SOBP: variants seen among roughly 807,000 people sequenced by gnomAD.
The protein encoded by SOBP is sine oculis binding protein homolog, also known as sine oculis-binding protein homolog.
Under a neutral mutation model 53.6 loss-of-function variants are expected in SOBP, and 4 were observed. That is an observed-to-expected ratio of 0.07 (90% confidence interval 0.04 to 0.17). The LOEUF is 0.17. SOBP is among the 10% of genes least tolerant of loss of function. The pLI, the probability that SOBP is intolerant of heterozygous loss-of-function variation, is 1.00. For missense variants in SOBP, 1,088 were observed against 1,204.7 expected (o/e 0.90, Z 1.43); for synonymous variants, 584 against 522.6 (o/e 1.12, Z -1.60).
At chr6:107,491,683 T>A (rs1174208442) in intron 1 of SOBP, among the ~76,000 whole-genome samples, 1 of 151,258 alleles carries the variant, frequency 6.6e-6, no homozygotes, top group African/African-American at 2.4e-5. Flanking sequence ...ATTTATTTAT[T>A]TTTCTGCGAG....
At chr6:107,574,866 T>G (rs1398119964) in intron 4 of SOBP, among the ~76,000 whole-genome samples, 1 of 152,146 alleles carries the variant, frequency 6.6e-6, no homozygotes, top group East Asian at 1.9e-4. Context: ...CCCCTCCGTT[T>G]CAGCTGTGTT....
At chr6:107,545,825 G>A (rs1725257077) in intron 4 of SOBP, among the ~76,000 whole-genome samples, 1 of 151,974 alleles carries the variant, frequency 6.6e-6, no homozygotes, top group Non-Finnish European at 1.5e-5. Flanking sequence ...TCCAAAAGAG[G>A]CTGATTTTAA....
intron 6 of SOBP, among the ~76,000 whole-genome samples, chr6:107,651,353 A>T (rs1771794774): frequency 6.6e-6 from 1 of 152,246 alleles, no homozygotes. Flanking sequence ...AGAAAATTTG[A>T]GTGGTCTGGG....
intron 6 of SOBP, among the ~76,000 whole-genome samples, chr6:107,649,827 G>A (rs1017621087): frequency 7.2e-5 from 11 of 152,162 alleles, no homozygotes; most frequent in African/African-American, 1.2e-4. Context: ...CATTGTCCAA[G>A]GTGAAGATAA....
intron 3 of SOBP, among the ~76,000 whole-genome samples, chr6:107,508,540 C>T (rs1483429459): frequency 6.6e-6 from 1 of 151,946 alleles, no homozygotes; most frequent in African/African-American, 2.4e-5. Flanking sequence ...GATCATGCTA[C>T]TGCACTCCAG....
At chr6:107,508,541 T>C (rs1479111978) in intron 3 of SOBP, among the ~76,000 whole-genome samples, 1 of 151,908 alleles carries the variant, frequency 6.6e-6, no homozygotes, top group Non-Finnish European at 1.5e-5. Context: ...ATCATGCTAC[T>C]GCACTCCAGC....
intron 5 of SOBP, among the ~76,000 whole-genome samples, chr6:107,593,906 G>A (rs1242790729): frequency 6.6e-6 from 1 of 152,212 alleles, no homozygotes; most frequent in East Asian, 1.9e-4. Context: ...AGAAAGGGTT[G>A]AACATCTATC....
chr6:107,651,013 C>T (rs192095414), intron 6 of SOBP, among the ~76,000 whole-genome samples: 152 of 152,300 alleles, frequency 1.0e-3, no homozygotes, highest in Non-Finnish European at 2.5e-4. Context: ...CTGTAATAAT[C>T]CCAGCACTTT....
chr6:107,591,960 CT>C (rs1479713740), intron 5 of SOBP, among the ~76,000 whole-genome samples: 2 of 95,036 alleles, frequency 2.1e-5, no homozygotes, highest in African/African-American at 8.8e-5. Context: ...CAGATTTGGT[CT>C]TTTGGTGTTT....
In SOBP at chr6:107,580,505, G is replaced by A. The variant is rs576509119; in HGVS notation, c.574-6575G>A. Among the ~76,000 whole-genome samples, 20 of 152,278 alleles carry A rather than the reference G, an allele frequency of 1.3e-4. No homozygotes were observed. The South Asian group carries it at 1.5e-3, about 11-fold the overall frequency. ...TCATACATAATGCATGGTCTCTGCC[G>A]TCAAGGAGTTTCAGTCTGGTAGAGG... On this transcript the variant is annotated intron_variant, in intron 4 of 6. Coordinates refer to ENST00000317357, the MANE Select transcript of SOBP (RefSeq NM_018013.4).
chr6:107,507,550 C>G lies in SOBP; in HGVS notation c.421+1123C>G, dbSNP rs141183998. 6.3e-3 allele frequency among the ~76,000 whole-genome samples: 958 copies of G among 152,220 alleles called. 31 individuals are homozygous for G. The East Asian group carries it at 0.09, about 14-fold the overall frequency. ...CGAACTCCTGACCTCAGGTGATCCA[C>G]CCACCTCGGCCTCTCAAAGTGCTGG... On this transcript the variant is annotated intron_variant, in intron 3 of 6. Coordinates refer to ENST00000317357, the MANE Select transcript of SOBP (RefSeq NM_018013.4).
intron 6 of SOBP, among the ~76,000 whole-genome samples, chr6:107,645,531 C>A (rs1196101746): frequency 1.1e-4 from 17 of 148,096 alleles, no homozygotes; most frequent in African/African-American, 2.0e-4. Flanking sequence ...TACTGAGAGA[C>A]AAAAAAAAAA....
intron 5 of SOBP, among the ~76,000 whole-genome samples, chr6:107,616,414 A>G (rs1786794322): frequency 6.6e-6 from 1 of 152,218 alleles, no homozygotes; most frequent in Non-Finnish European, 1.5e-5. Flanking sequence ...TGAAAAGTAA[A>G]ACAATAGAAC....
rs77256497 is a variant in SOBP at position 107,498,846 on chromosome 6, G to C, written c.97-4811G>C. ...TGTTAGGATTGCCTTTTTTTCTTAT[G>C]AACACTAGAGGTGAGAGAGGAGAAT... is the stretch of plus-strand genomic sequence containing the variant. On this transcript the variant is annotated intron_variant, in intron 1 of 6. Transcript: ENST00000317357. Among the ~76,000 whole-genome samples the C allele has an allele frequency of 5.5e-3, 837 of 151,982 alleles. 26 individuals carry two copies. In the East Asian group the frequency reaches 0.085, roughly 15 times the overall value.
At chr6:107,553,143 G>A (rs576020714) in intron 4 of SOBP, among the ~76,000 whole-genome samples, 2 of 151,872 alleles carry the variant, frequency 1.3e-5, no homozygotes, top group Admixed American at 6.6e-5. Flanking sequence ...ATCTGAGCTG[G>A]GAGTTTAACT....
chr6:107,588,960 T>C (rs1439600465), intron 5 of SOBP, among the ~76,000 whole-genome samples: 3 of 152,138 alleles, frequency 2.0e-5, no homozygotes, highest in African/African-American at 7.2e-5. Context: ...CAAGGAGAAA[T>C]TTAATTTTTT....
At chr6:107,543,764 T>C (rs1478062081) in intron 4 of SOBP, among the ~76,000 whole-genome samples, 3 of 152,154 alleles carry the variant, frequency 2.0e-5, no homozygotes, top group Admixed American at 6.5e-5. Context: ...CCAAAGTGGA[T>C]TGAAAGATAA....
intron 4 of SOBP, among the ~76,000 whole-genome samples, chr6:107,568,944 TAAAA>T (rs1323129721): frequency 1.3e-5 from 2 of 151,912 alleles, no homozygotes; most frequent in Admixed American, 6.6e-5. Flanking sequence ...ATAAGGCTAA[TAAAA>T]AAGAAAGAAA....
rs77571183 is a variant in SOBP at position 107,650,275 on chromosome 6, G to C, written c.*4-7932G>C. Among the ~76,000 whole-genome samples, 2,681 of 152,296 alleles carry C rather than the reference G, an allele frequency of 0.018. 212 individuals carry two copies. The East Asian group carries it at 0.23, about 13-fold the overall frequency. ...CCAGAGCCTAACACTGAGCTAAGAT[G>C]AAACTCACCCTTGGCTCCCATACCC... On this transcript the variant is annotated intron_variant, in intron 6 of 6. Transcript: ENST00000317357.
Sources: allele counts gnomAD v4.1 joint callset (sites outside exome capture counted in the v4.1 genomes callset), GRCh38; gene constraint gnomAD v4.1.1; transcripts MANE v1.5; gene names NCBI Gene and HGNC (gene_info 2026-07-23, HGNC 2026-07-21).